MLST8: variants seen among roughly 807,000 people sequenced by gnomAD.
MLST8 encodes the protein target of rapamycin complex subunit LST8.
A neutral mutation model predicts 41.3 loss-of-function variants in MLST8; 20 were observed. That is an observed-to-expected ratio of 0.48 (90% CI 0.34 to 0.70). The LOEUF is 0.70. Among genes scored for constraint, MLST8 ranks in the 30% least tolerant of loss-of-function variants. MLST8 has a pLI of 0.01. For synonymous variants in MLST8, 243 were observed against 183.0 expected, an observed-to-expected ratio of 1.33 and a Z score of -2.65; for missense variants, 422 against 454.3, an observed-to-expected ratio of 0.93 and a Z score of 0.65.
At position 2,208,743 on chromosome 16, in the gene MLST8, C is replaced by T. The variant is rs1596730430; in HGVS notation, c.863-16C>T. ...CTGCACCTGCGCTCTTAGCCCTGCA[C>T]AATCTCCCCCTCCAGCTTCCTCGGA... On this transcript the variant is annotated splice_polypyrimidine_tract_variant and intron_variant, in intron 8 of 8. Coordinates refer to ENST00000569417, the MANE Select transcript of MLST8 (RefSeq NM_022372.6). 3 of 1,613,908 alleles carry T rather than the reference C, an allele frequency of 1.9e-6. No homozygotes were observed. In the East Asian group the frequency reaches 6.7e-5, roughly 36 times the overall value.
At chr16:2,205,600 C>G (rs566132979) in intron 1 of MLST8, 88 bp downstream of exon 1, 1 of 853,968 alleles carries the variant, frequency 1.2e-6, no homozygotes, top group South Asian at 5.3e-5. Flanking sequence ...CAGGACGGAG[C>G]AAGGGCGGTC....
At position 2,209,038 on chromosome 16, in the gene MLST8, C is replaced by G. The variant is rs1034679789; in HGVS notation, c.*161C>G. ...CTGGGCCAGGCTGCCCTGGGACTCTCAGCCCCCAGTTGCTTATCCAGATGT... is the reference window on the plus strand; with the variant it reads ...CTGGGCCAGGCTGCCCTGGGACTCTGAGCCCCCAGTTGCTTATCCAGATGT... On this transcript the variant is annotated 3_prime_UTR_variant, in exon 9 of 9. Transcript: ENST00000569417. 5 of 773,488 alleles carry G rather than the reference C, an allele frequency of 6.5e-6. No homozygotes were observed. The highest frequency in any genetic ancestry group is 1.1e-5 in the Non-Finnish European group (5 of 468,268). The allele number at this position is 773,488 out of a possible 1,614,324, so 47.9% of individuals were successfully genotyped here. A position where few individuals can be genotyped will look rare whatever the true frequency, so the allele number is the denominator to read the frequency against.
At chr16:2,205,902 G>C (rs2093275847) in intron 1 of MLST8, 129 bp from the exon 2 acceptor site, 4 of 1,434,948 alleles carry the variant, frequency 2.8e-6, no homozygotes, top group Admixed American at 2.5e-5. Context: ...GCGTGTCCCT[G>C]AACCTACCTG....
chr16:2,208,622 C>T lies in MLST8; in HGVS notation c.862+9C>T, dbSNP rs770811219. The T allele has an allele frequency of 2.5e-5, 40 of 1,611,744 alleles. No individual in the cohort carries two copies. The highest frequency in any genetic ancestry group is 3.3e-5 in the Admixed American group (2 of 59,942). ...CCAGTACATCGTCACTGGTGAGCCC[C>T]GCCCTGGCCTCCCCCATCCCTGGCC... On this transcript the variant is annotated intron_variant, in intron 8 of 8. Coordinates refer to ENST00000569417, the MANE Select transcript of MLST8 (RefSeq NM_022372.6).
In MLST8 at chr16:2,209,064, G is replaced by A; in HGVS notation, c.*187G>A. The A allele has an allele frequency of 2.9e-6, 2 of 678,994 alleles. No homozygotes were observed. Among genetic ancestry groups the A allele is most frequent in the Non-Finnish European group, 5.0e-6 (2 of 397,922 alleles). The allele number at this position is 678,994 out of a possible 1,614,324, so 42.1% of individuals were successfully genotyped here. A position where few individuals can be genotyped will look rare whatever the true frequency, so the allele number is the denominator to read the frequency against. On this transcript the variant is annotated 3_prime_UTR_variant, in exon 9 of 9. Coordinates refer to ENST00000569417, the MANE Select transcript of MLST8 (RefSeq NM_022372.6). The stretch of plus-strand genomic sequence containing the variant: ...AGCCCCCAGTTGCTTATCCAGATGT[G>A]ACAGAGCTCGACCCAAGCCAGGCTG...
At position 2,209,353 on chromosome 16, in the gene MLST8, G is replaced by A. The variant is rs751324990; in HGVS notation, c.*476G>A. The stretch of plus-strand genomic sequence containing the variant: ...TTGGGGACGGGCCAGGCTGGGCCAG[G>A]TCGGGGGCTCAGTCTGGGAGGTAAT... On this transcript the variant is annotated 3_prime_UTR_variant, in exon 9 of 9. Transcript: ENST00000569417. 11 of 1,608,316 alleles carry A rather than the reference G, an allele frequency of 6.8e-6. No individual in the cohort carries two copies. In the Admixed American group the frequency reaches 1.2e-4, roughly 17 times the overall value.
chr16:2,206,351 G>A lies in MLST8; in HGVS notation c.130-7G>A, dbSNP rs371834479. The A allele has an allele frequency of 3.1e-6, 5 of 1,613,974 alleles. No homozygotes were observed. Among genetic ancestry groups the A allele is most frequent in the Middle Eastern group, 1.6e-4 (1 of 6,062 alleles). On this transcript the variant is annotated splice_polypyrimidine_tract_variant and splice_region_variant and intron_variant, in intron 2 of 8. Transcript: ENST00000569417. ...TACCTTCCCGTCATCCTCCTTAACAGTCCCAGCAGGTGAATGCCTTGGAGG... is the reference window on the plus strand; with the variant it reads ...TACCTTCCCGTCATCCTCCTTAACAATCCCAGCAGGTGAATGCCTTGGAGG...
chr16:2,206,380 C>T lies in MLST8; in HGVS notation c.152C>T (p.Thr51Ile). 2 of 1,614,178 alleles carry T rather than the reference C, an allele frequency of 1.2e-6. No homozygotes were observed. The highest frequency in any genetic ancestry group is 1.3e-5 in the African/African-American group (1 of 75,068). The change falls in exon 3 of 9, where the codon ACA becomes ATA. Residue 51 changes from threonine to isoleucine, a missense_variant. Physicochemically the swap from Thr to Ile is moderately conservative, Grantham distance 89. Transcript: ENST00000569417. ...QDSQVNALEVTPDRSMIAAAG... is the reference protein window; with the variant it reads ...QDSQVNALEVIPDRSMIAAAG... ...CAGCAGGTGAATGCCTTGGAGGTCA[C>T]ACCGGACCGCAGCATGATTGCTGCT... is the stretch of plus-strand genomic sequence containing the variant.
In MLST8 at chr16:2,206,129, T is replaced by C; in HGVS notation, c.44T>C (p.Leu15Pro). 1.9e-6 allele frequency: 3 copies of C among 1,611,160 alleles called. No homozygotes were observed. Among genetic ancestry groups the C allele is most frequent in the Non-Finnish European group, 1.7e-6 (2 of 1,178,652 alleles). ...PGTVGSDPVI[L>P]ATAGYDHTVR... ...ACGGTGGGCAGTGACCCGGTCATCC[T>C]GGCCACTGCAGGCTACGACCACACC... Residue 15 changes from leucine to proline, a missense_variant, in exon 2 of 9, where the codon CTG (leucine) becomes CCG (proline). Physicochemically the swap from Leu to Pro is moderately conservative, Grantham distance 98 (BLOSUM62 -3). Coordinates refer to ENST00000569417, the MANE Select transcript of MLST8 (RefSeq NM_022372.6).
intron 6 of MLST8, chr16:2,207,571 G>A (rs2093318050): frequency 3.5e-6 from 2 of 572,540 alleles, no homozygotes; most frequent in East Asian, 2.9e-5. Flanking sequence ...CTCCCAAGTC[G>A]ATCCACTTCC....
rs960551864 is a variant in MLST8, at chr16:2,209,144, A to G, written c.*267A>G. 4.7e-6 allele frequency: 3 copies of G among 641,370 alleles called. No homozygotes were observed. Among genetic ancestry groups the G allele is most frequent in the Non-Finnish European group, 8.0e-6 (3 of 373,634 alleles). The allele number at this position is 641,370 out of a possible 1,614,324, so 39.7% of individuals were successfully genotyped here. A position where few individuals can be genotyped will look rare whatever the true frequency, so the allele number is the denominator to read the frequency against. ...GCCTGGGAAAGTCGGCCGAGGGCCC[A>G]AAGCTGCTGAGGGGTCTGAGGCTGG... On this transcript the variant is annotated 3_prime_UTR_variant, in exon 9 of 9. Coordinates refer to ENST00000569417, the MANE Select transcript of MLST8 (RefSeq NM_022372.6).
chr16:2,207,440 C>T, intron 6 of MLST8, 95 bp downstream of exon 6: 5 of 1,475,460 alleles, frequency 3.4e-6, no homozygotes, highest in Non-Finnish European at 4.6e-6. Context: ...CTTAGCGGCC[C>T]CCTCCTGCTT....
intron 6 of MLST8, chr16:2,207,842 T>A (rs191516305): frequency 1.6e-4 from 36 of 231,066 alleles, no homozygotes; most frequent in Admixed American, 1.0e-3. Flanking sequence ...TTTCATTAAC[T>A]TCATTTAATC....
intron 6 of MLST8, 42 bp from the exon 7 acceptor site, chr16:2,208,168 C>A: frequency 6.4e-7 from 1 of 1,566,846 alleles, no homozygotes; most frequent in Non-Finnish European, 8.7e-7. Flanking sequence ...TGTCTCAGAC[C>A]TGAGGCCTTG....
Position 2,208,978 on chromosome 16 carries a change from C to A in MLST8, c.*101C>A. On this transcript the variant is annotated 3_prime_UTR_variant, in exon 9 of 9. Transcript: ENST00000569417. ...ACCCTCCCCTGCCGGCCTGCGCCAG[C>A]TGGACCTGATGGCCCCCTGTGGCGC... 1.5e-6 allele frequency: 2 copies of A among 1,341,242 alleles called. No individual in the cohort carries two copies. Among genetic ancestry groups the A allele is most frequent in the Non-Finnish European group, 2.1e-6 (2 of 955,118 alleles). 83.1% of individuals were successfully genotyped at this position (1,341,242 alleles called of 1,614,324 possible).
intron 4 of MLST8, 146 bp downstream of exon 4, chr16:2,206,805 G>C (rs899282181): frequency 9.4e-7 from 1 of 1,067,422 alleles, no homozygotes; most frequent in Non-Finnish European, 1.4e-6. Flanking sequence ...GGAGGAGAGT[G>C]AATTGCATCA....
Position 2,206,589 on chromosome 16 carries a change from G to C in MLST8, c.274G>C (p.Gly92Arg). The change falls in exon 4 of 9, where the codon GGC becomes CGC. Residue 92 changes from glycine (G) to arginine (R), a missense_variant. Coordinates refer to ENST00000569417, the MANE Select transcript of MLST8 (RefSeq NM_022372.6). ...DGVNKNIASV[G>R]FHEDGRWMYT... is the part of the protein sequence containing the mutation. Reference sequence around the variant, plus strand: ...CGTCAACAAGAACATCGCGTCTGTGGGCTTCCACGAAGACGGCCGCTGGAT... The same window carrying C: ...CGTCAACAAGAACATCGCGTCTGTGCGCTTCCACGAAGACGGCCGCTGGAT... 6.2e-7 allele frequency: 1 copy of C among 1,614,114 alleles called. No homozygotes were observed. Among genetic ancestry groups the C allele is most frequent in the Non-Finnish European group, 8.5e-7 (1 of 1,180,012 alleles).
In MLST8 at chr16:2,207,018, C is replaced by T. The variant is rs770367150; in HGVS notation, c.345-17C>T. On this transcript the variant is annotated splice_polypyrimidine_tract_variant and intron_variant, in intron 4 of 8. Transcript: ENST00000569417. ...ACAAGCCCAGATGGACAGCATGTGC[C>T]CCGGCCCGGCCCGCAGGTCCCGGAA... 2.8e-5 allele frequency: 45 copies of T among 1,612,098 alleles called. No homozygotes were observed. Among genetic ancestry groups the T allele is most frequent in the Non-Finnish European group, 3.6e-5 (42 of 1,179,566 alleles).
Position 2,208,890 on chromosome 16 carries a change from C to A in MLST8, c.*13C>A, listed in dbSNP as rs548204061. ...TGTGCTGGGCTAGCCTGTGACCCCTCGGGACTGCCTGGTGCAGGTGGTGGC... is the reference window on the plus strand; with the variant it reads ...TGTGCTGGGCTAGCCTGTGACCCCTAGGGACTGCCTGGTGCAGGTGGTGGC... On this transcript the variant is annotated 3_prime_UTR_variant, in exon 9 of 9. Transcript: ENST00000569417. 6.2e-7 allele frequency: 1 copy of A among 1,612,120 alleles called. No homozygotes were observed. Among genetic ancestry groups the A allele is most frequent in the Non-Finnish European group, 8.5e-7 (1 of 1,179,740 alleles).
Sources: gnomAD v4.1 joint callset for allele counts on GRCh38, gnomAD v4.1.1 for gene constraint, MANE v1.5 for transcripts, NCBI Gene and HGNC (gene_info 2026-07-23, HGNC 2026-07-21) for gene names.